Variants in SBNO2 observed in about 807,000 individuals in gnomAD.
SBNO2 encodes strawberry notch homolog 2.
Under a neutral mutation model 146.3 loss-of-function variants are expected in SBNO2, and 89 were observed. The ratio of observed to expected loss-of-function variants is 0.61; its 90% CI spans 0.51 to 0.73. The LOEUF is 0.73. Among genes scored for constraint, SBNO2 ranks in the 30% least tolerant of loss-of-function variants. The pLI is 0.00. For synonymous variants in SBNO2, 1,147 were observed against 892.6 expected, an observed-to-expected ratio of 1.29 and a Z score of -5.08; for missense variants, 2,092 against 2,003.7, an observed-to-expected ratio of 1.04 and a Z score of -0.84.
At chr19:1,123,461 G>A (rs1033160806) in intron 7 of SBNO2, 73 bp downstream of exon 7, 2 of 1,297,302 alleles carry the variant, frequency 1.5e-6, no homozygotes, top group Non-Finnish European at 2.2e-6. Flanking sequence ...GCGGGCGGTG[G>A]TCACCTGCAG....
At chr19:1,123,101 G>A in intron 7 of SBNO2, 56 bp from the exon 8 acceptor site, 1 of 1,557,906 alleles carries the variant, frequency 6.4e-7, no homozygotes, top group Non-Finnish European at 8.7e-7. Context: ...GGTGACCAGG[G>A]CCGGTTATGG....
intron 5 of SBNO2, 71 bp downstream of exon 5, chr19:1,127,533 C>G (rs774873165): frequency 6.9e-6 from 10 of 1,439,196 alleles, no homozygotes; most frequent in Admixed American, 1.7e-5. Flanking sequence ...CCTCACTGGA[C>G]CGTGTGGGTC....
intron 9 of SBNO2, 50 bp from the exon 10 acceptor site, chr19:1,122,608 C>CCT: frequency 2.8e-6 from 4 of 1,411,624 alleles, no homozygotes; most frequent in East Asian, 2.8e-5. Context: ...TCGCCCCCCG[C>CCT]TTCCGCCCCC....
rs2079724102 is a variant in SBNO2, at chr19:1,109,400, G to A, written c.3240C>T (p.Cys1080=). The change falls in exon 29 of 32, where the codon TGC becomes TGT. Residue 1080 remains cysteine, a synonymous_variant. Transcript: ENST00000361757. The surrounding 1 kb of genome is among the most constrained non-coding windows in gnomAD (Gnocchi z 4.2). ...GGCCGCGGTTCTGCTCCGCCAGCAG[G>A]CAGCTGGGCTTGTTACCGCGGACCT... ...SYKVRGNKPS[C]LLAEQNRGQF... is the part of the protein sequence containing the mutation. The A allele has an allele frequency of 1.3e-6, 2 of 1,568,986 alleles. No individual in the cohort carries two copies. The highest frequency in any genetic ancestry group is 1.9e-5 in the Admixed American group (1 of 52,972).
At position 1,108,584 on chromosome 19, in the gene SBNO2, G is replaced by A. The variant is rs2079705019; in HGVS notation, c.3737C>T (p.Pro1246Leu). 1 of 1,270,100 alleles carries A rather than the reference G, an allele frequency of 7.9e-7. No homozygotes were observed. The highest frequency in any genetic ancestry group is 3.7e-5 in the East Asian group (1 of 26,678). 78.7% of individuals were successfully genotyped at this position (1,270,100 alleles called of 1,614,324 possible). A position where few individuals can be genotyped will look rare whatever the true frequency, so the allele number is the denominator to read the frequency against. The change falls in exon 32 of 32, where the codon CCG becomes CTG. Residue 1246 changes from proline (P) to leucine (L), a missense_variant. By Grantham distance (98) the Pro-to-Leu change is moderately conservative (BLOSUM62 -3). Transcript: ENST00000361757. ...TCCGGGGCCGCAAGGCAGCGCCAGC[G>A]GGCGCGGGGCGGGCGGGGCGGGGCA... ...LGCPAPPAPR[P>L]LALPCGPGEV...
chr19:1,108,478 G>A lies in SBNO2; in HGVS notation c.3843C>T (p.Ser1281=), dbSNP rs1568544944. The change falls in exon 32 of 32, where the codon TCC becomes TCT. Residue 1281 remains serine (S), a synonymous_variant. Coordinates refer to ENST00000361757, the MANE Select transcript of SBNO2 (RefSeq NM_014963.3). ...GCACGACGCCGGGGCCGGCGTCCAG[G>A]GACAGCGGCGCCGGGAAAGAGAAGT... ...PPHFSFPAPL[S]LDAGPGVVPL... is the part of the protein sequence containing the mutation. The A allele has an allele frequency of 8.2e-6, 10 of 1,223,068 alleles. No homozygotes were observed. The highest frequency in any genetic ancestry group is 1.0e-5 in the Non-Finnish European group (10 of 978,358). The allele number at this position is 1,223,068 out of a possible 1,614,324, so 75.8% of individuals were successfully genotyped here. A position where few individuals can be genotyped will look rare whatever the true frequency, so the allele number is the denominator to read the frequency against.
At chr19:1,125,833 A>G (rs2079959353) in intron 5 of SBNO2, among the ~76,000 whole-genome samples, 1 of 152,068 alleles carries the variant, frequency 6.6e-6, no homozygotes, top group Admixed American at 6.6e-5. Context: ...ATCTCTACAA[A>G]AAATACAAAA....
intron 1 of SBNO2, among the ~76,000 whole-genome samples, chr19:1,172,959 C>G (rs886360984): frequency 6.6e-6 from 1 of 151,152 alleles, no homozygotes; most frequent in African/African-American, 2.4e-5. Context: ...GAAGAAGCAG[C>G]CAGGGGAGGC....
At chr19:1,118,426 C>T (rs887786028) in intron 14 of SBNO2, among the ~76,000 whole-genome samples, 9 of 152,092 alleles carry the variant, frequency 5.9e-5, no homozygotes, top group Admixed American at 1.3e-4. Flanking sequence ...ATGGAGGGAA[C>T]GACCAAGCCA....
rs749016683 is a variant in SBNO2, at chr19:1,110,727, C to T, written c.3028+18G>A. ...GCACCCACACCCACCCACACCACAC[C>T]CCGGCACCTGTGCTCACCCAGGATG... On this transcript the variant is annotated intron_variant, in intron 26 of 31. Coordinates refer to ENST00000361757, the MANE Select transcript of SBNO2 (RefSeq NM_014963.3). The surrounding 1 kb of genome is among the most constrained non-coding windows in gnomAD (Gnocchi z 4.9). The T allele has an allele frequency of 1.2e-6, 2 of 1,613,376 alleles. No homozygotes were observed. The highest frequency in any genetic ancestry group is 2.2e-5 in the South Asian group (2 of 91,068).
chr19:1,123,456 C>T (rs978898754), intron 7 of SBNO2, 78 bp downstream of exon 7: 24 of 1,199,402 alleles, frequency 2.0e-5, no homozygotes, highest in African/African-American at 9.0e-5. Context: ...GCTGTGCGGG[C>T]GGTGGTCACC....
chr19:1,166,059 C>A (rs118108247), intron 1 of SBNO2, among the ~76,000 whole-genome samples: 4 of 1,582 alleles, frequency 2.5e-3, no homozygotes, highest in South Asian at 0.025. Context: ...AGATCCCAGA[C>A]CCCAGACCCC....
In SBNO2 at chr19:1,173,448, G is replaced by A. The variant is rs1255724044; in HGVS notation, c.-127+724C>T. ...TCCCAAACCGGGGGACCTCCATGCAGAAACCGAAAAACCATCTGCCCCAGA... is the reference window on the plus strand; with the variant it reads ...TCCCAAACCGGGGGACCTCCATGCAAAAACCGAAAAACCATCTGCCCCAGA... On this transcript the variant is annotated intron_variant, in intron 1 of 31. Transcript: ENST00000361757. The surrounding 1 kb of genome is among the most constrained non-coding windows in gnomAD (Gnocchi z 4.7). Among the ~76,000 whole-genome samples the A allele has an allele frequency of 6.6e-6, 1 of 152,322 alleles. No homozygotes were observed. Among genetic ancestry groups the A allele is most frequent in the Non-Finnish European group, 1.5e-5 (1 of 68,032 alleles).
At position 1,119,025 on chromosome 19, in the gene SBNO2, G is replaced by A. The variant is rs1342345824; in HGVS notation, c.1513C>T (p.Arg505Cys). The A allele has an allele frequency of 1.2e-5, 19 of 1,598,160 alleles. No homozygotes were observed. The highest frequency in any genetic ancestry group is 1.7e-5 in the Admixed American group (1 of 58,986). Residue 505 changes from arginine (R) to cysteine (C), a missense_variant, in exon 14 of 32, where the codon CGC becomes TGC. Arg to Cys is a radical substitution (Grantham distance 180, BLOSUM62 -3). Transcript: ENST00000361757. Reference sequence around the variant, plus strand: ...CGCAGGCTCACCAGCAGGGCCGCGCGGTTGTAGACGCACTCGAAGGCTGGG... The same window carrying A: ...CGCAGGCTCACCAGCAGGGCCGCGCAGTTGTAGACGCACTCGAAGGCTGGG... ...LAPAFECVYNRAALLWAEALN... is the reference protein window; with the variant it reads ...LAPAFECVYNCAALLWAEALN...
chr19:1,165,194 G>A (rs981622784), intron 1 of SBNO2, among the ~76,000 whole-genome samples: 5 of 152,154 alleles, frequency 3.3e-5, no homozygotes, highest in Non-Finnish European at 7.4e-5. Context: ...TGACCCCGCC[G>A]TCAGGAGCTC....
At position 1,122,240 on chromosome 19, in the gene SBNO2, C is replaced by A. The variant is rs551266199; in HGVS notation, c.1048G>T (p.Ala350Ser). The change falls in exon 11 of 32, where the codon GCC becomes TCC. Residue 350 changes from alanine to serine, a missense_variant. By Grantham distance (99) the Ala-to-Ser change is moderately conservative (BLOSUM62 1). Coordinates refer to ENST00000361757, the MANE Select transcript of SBNO2 (RefSeq NM_014963.3). ...DTTTSEGVLF[A>S]TYSALIGESQ... ...TCCCCAATCAGGGCGGAGTAGGTGG[C>A]GAAGAGGACGCCCTCTGAGGTAGTG... is the stretch of plus-strand genomic sequence containing the variant. 1 of 1,579,908 alleles carries A rather than the reference C, an allele frequency of 6.3e-7. No individual in the cohort carries two copies. Among genetic ancestry groups the A allele is most frequent in the Non-Finnish European group, 8.6e-7 (1 of 1,163,452 alleles).
intron 1 of SBNO2, among the ~76,000 whole-genome samples, chr19:1,170,087 G>A (rs781229050): frequency 2.6e-5 from 4 of 152,206 alleles, no homozygotes; most frequent in Non-Finnish European, 5.9e-5. Flanking sequence ...TGCGTCTGGC[G>A]TCTCTCCGCA....
At position 1,109,659 on chromosome 19, in the gene SBNO2, G is replaced by A. The variant is rs200601004; in HGVS notation, c.3123+24C>T. The A allele has an allele frequency of 6.5e-4, 1,049 of 1,605,508 alleles. 9 individuals are homozygous for A. The African/African-American group carries it at 0.012, about 18-fold the overall frequency. On this transcript the variant is annotated intron_variant, in intron 27 of 31. Coordinates refer to ENST00000361757, the MANE Select transcript of SBNO2 (RefSeq NM_014963.3). This position sits in a 1 kb window ranked among gnomAD's most constrained non-coding sequence, Gnocchi z 4.2. ...TGGGGGCGGGGTGGGCAGAGTGTGA[G>A]GGGCTGTGGGGCTTCCTGCTGACCT...
intron 4 of SBNO2, chr19:1,128,238 C>CTGCAGGAACTCTGA (rs1568588379): frequency 4.0e-6 from 2 of 496,580 alleles, no homozygotes; most frequent in Non-Finnish European, 8.0e-6. Flanking sequence ...GGCAGCAATG[C>CTGCAGGAACTCTGA]TGCAGGAACT....
Sources: gnomAD v4.1 joint callset for allele counts (sites outside exome capture counted in the v4.1 genomes callset) on GRCh38, gnomAD v4.1.1 for gene constraint, Gnocchi (gnomAD v3.1) non-coding constraint, MANE v1.5 for transcripts, NCBI Gene and HGNC (gene_info 2026-07-23, HGNC 2026-07-21) for gene names.